KIF16B: variants seen among roughly 807,000 people sequenced by gnomAD.
KIF16B encodes the protein kinesin-like protein KIF16B.
KIF16B carries 98 observed loss-of-function variants against 156.3 expected under a neutral mutation model. The observed-to-expected ratio is 0.63, with a 90% CI of 0.53 to 0.74. The LOEUF is 0.74. KIF16B is among the 30% of genes least tolerant of loss of function. The pLI, the probability that KIF16B is intolerant of heterozygous loss-of-function variation, is 0.00. For synonymous variants in KIF16B, 564 were observed against 583.7 expected, an observed-to-expected ratio of 0.97 and a Z score of 0.49; for missense variants, 1,421 against 1,606.5, an observed-to-expected ratio of 0.88 and a Z score of 1.97.
intron 1 of KIF16B, among the ~76,000 whole-genome samples, chr20:16,549,255 T>C (rs2070542438): frequency 6.7e-6 from 1 of 149,074 alleles, no homozygotes; most frequent in African/African-American, 2.5e-5. Flanking sequence ...GTGATCTCAT[T>C]GTTCAATTCC....
chr20:16,328,894 C>T (rs928904009), intron 24 of KIF16B, among the ~76,000 whole-genome samples: 10 of 152,270 alleles, frequency 6.6e-5, no homozygotes, highest in Non-Finnish European at 1.5e-4. Flanking sequence ...AAGGCCCCAT[C>T]TCTTAATACC....
chr20:16,276,950 G>A (rs2063070624), intron 25 of KIF16B, among the ~76,000 whole-genome samples: 2 of 152,126 alleles, frequency 1.3e-5, no homozygotes, highest in Admixed American at 1.3e-4. Context: ...ATATATCTAT[G>A]CCATCAGCAT....
At chr20:16,507,282 C>T (rs1057512068) in intron 7 of KIF16B, among the ~76,000 whole-genome samples, 1 of 152,010 alleles carries the variant, frequency 6.6e-6, no homozygotes. Flanking sequence ...TCTTTGATCT[C>T]CCTCATTAAT....
intron 12 of KIF16B, among the ~76,000 whole-genome samples, chr20:16,439,937 G>A (rs1305619100): frequency 6.6e-6 from 1 of 152,100 alleles, no homozygotes; most frequent in Admixed American, 6.6e-5. Flanking sequence ...TGAGATTTGG[G>A]TGGAGACACA....
intron 25 of KIF16B, among the ~76,000 whole-genome samples, chr20:16,286,287 G>A (rs1256978294): frequency 1.3e-5 from 2 of 152,172 alleles, no homozygotes; most frequent in African/African-American, 2.4e-5. Flanking sequence ...TTGCTGGGTC[G>A]AAGGGTATGT....
chr20:16,491,170 T>G (rs2146914281), intron 12 of KIF16B, among the ~76,000 whole-genome samples: 1 of 152,108 alleles, frequency 6.6e-6, no homozygotes, highest in South Asian at 2.1e-4. Context: ...ACATCCTGAA[T>G]GAAGGAGTAA....
intron 12 of KIF16B, among the ~76,000 whole-genome samples, chr20:16,455,195 TG>T (rs983509636): frequency 5.5e-4 from 83 of 152,218 alleles, no homozygotes; most frequent in African/African-American, 1.9e-3. Flanking sequence ...AAAACCAACT[TG>T]TTTTTTTAAA....
In KIF16B at chr20:16,328,170, A is replaced by G. The variant is rs974853061; in HGVS notation, c.3711+7756T>C. 2.0e-5 allele frequency among the ~76,000 whole-genome samples: 3 copies of G among 152,158 alleles called. No individual in the cohort carries two copies. In the South Asian group the frequency reaches 6.2e-4, roughly 32 times the overall value. ...CCTAGTCGTTTTCTTCCCTCCCACT[A>G]GTATTTACTGGGTACCCAGAGAATG... is the stretch of plus-strand genomic sequence containing the variant. On this transcript the variant is annotated intron_variant, in intron 24 of 25. Transcript: ENST00000354981.
intron 22 of KIF16B, chr20:16,368,594 A>G (rs1020737725): frequency 3.0e-6 from 3 of 985,792 alleles, no homozygotes; most frequent in African/African-American, 3.5e-5. Context: ...TTGTGGTAAA[A>G]ATATCCCAGT....
intron 12 of KIF16B, among the ~76,000 whole-genome samples, chr20:16,483,965 A>T (rs1391700140): frequency 6.6e-6 from 1 of 152,188 alleles, no homozygotes; most frequent in East Asian, 1.9e-4. Flanking sequence ...AAGTTCCTAC[A>T]ATGCAGCATC....
At chr20:16,277,018 C>G (rs192529017) in intron 25 of KIF16B, among the ~76,000 whole-genome samples, 210 of 152,314 alleles carry the variant, frequency 1.4e-3, no homozygotes, top group African/African-American at 4.8e-3. Flanking sequence ...GTACTCCCTC[C>G]TCCGGTACAA....
At chr20:16,394,691 A>G (rs1343490121) in intron 17 of KIF16B, among the ~76,000 whole-genome samples, 1 of 152,172 alleles carries the variant, frequency 6.6e-6, no homozygotes, top group Non-Finnish European at 1.5e-5. Context: ...AATACTGCCA[A>G]CTCCATGTAT....
At chr20:16,556,356 C>T (rs1015325411) in intron 1 of KIF16B, among the ~76,000 whole-genome samples, 2 of 152,186 alleles carry the variant, frequency 1.3e-5, no homozygotes, top group African/African-American at 2.4e-5. Flanking sequence ...ACTGGCTACC[C>T]GGAGACTCCA....
chr20:16,374,002 T>A (rs975835069), intron 20 of KIF16B, among the ~76,000 whole-genome samples: 4 of 152,212 alleles, frequency 2.6e-5, no homozygotes, highest in South Asian at 2.1e-4. Flanking sequence ...TCTGCAGATA[T>A]CAAGGGACAA....
chr20:16,382,342 T>C (rs981097109), intron 17 of KIF16B, among the ~76,000 whole-genome samples: 1 of 152,248 alleles, frequency 6.6e-6, no homozygotes, highest in South Asian at 2.1e-4. Context: ...TGTTATGTTT[T>C]ACACTTCTCA....
chr20:16,370,026 C>T (rs1243225419), intron 22 of KIF16B, among the ~76,000 whole-genome samples: 1 of 152,108 alleles, frequency 6.6e-6, no homozygotes, highest in Non-Finnish European at 1.5e-5. Context: ...TGTATGGACA[C>T]CATCTGGAAA....
intron 25 of KIF16B, among the ~76,000 whole-genome samples, chr20:16,312,027 T>C (rs896506475): frequency 2.6e-5 from 4 of 152,228 alleles, no homozygotes; most frequent in African/African-American, 7.2e-5. Context: ...ACTCTCATCC[T>C]GTATCACATA....
At chr20:16,389,069 G>A (rs1266027521) in intron 17 of KIF16B, among the ~76,000 whole-genome samples, 3 of 152,130 alleles carry the variant, frequency 2.0e-5, no homozygotes, top group African/African-American at 7.2e-5. Context: ...AGTCATATTG[G>A]TAAAGTTCCT....
chr20:16,565,332 T>C (rs1354142744), intron 1 of KIF16B, among the ~76,000 whole-genome samples: 1 of 152,148 alleles, frequency 6.6e-6, no homozygotes. Context: ...TCACACACCA[T>C]GTAGTTTCTG....
Sources: gnomAD v4.1 joint callset for allele counts (sites outside exome capture counted in the v4.1 genomes callset) on GRCh38, gnomAD v4.1.1 for gene constraint, MANE v1.5 for transcripts, NCBI Gene and HGNC (gene_info 2026-07-23, HGNC 2026-07-21) for gene names.